Variants in SUSD5 observed in about 807,000 individuals in gnomAD.
SUSD5 encodes sushi domain containing 5.
SUSD5 carries 33 observed loss-of-function variants against 29.5 expected under a neutral mutation model. That is an observed-to-expected ratio of 1.12 (90% CI 0.85 to 1.49). The LOEUF (loss-of-function observed/expected upper bound fraction) is 1.49, where lower values mean the gene tolerates loss of function less well. Ranked by LOEUF, SUSD5 falls within the 40% of genes most tolerant of loss-of-function variation. The pLI, the probability that SUSD5 is intolerant of heterozygous loss-of-function variation, is 0.00. For synonymous variants in SUSD5, 308 were observed against 325.3 expected (o/e 0.95, Z 0.57); for missense variants, 776 against 800.6 (o/e 0.97, Z 0.37).
intron 3 of SUSD5, among the ~76,000 whole-genome samples, chr3:33,176,607 G>A (rs928341715): frequency 6.6e-6 from 1 of 152,120 alleles, no homozygotes; most frequent in African/African-American, 2.4e-5. Context: ...AAATTTTAAT[G>A]AATCCCAGCT....
chr3:33,164,969 AACACACACAC>A (rs34551240), intron 4 of SUSD5, among the ~76,000 whole-genome samples: 2,322 of 147,088 alleles, frequency 0.016, 62 homozygotes, highest in African/African-American at 0.055. Context: ...ACTAAAGTTG[AACACACACAC>A]ACACACACAC....
At chr3:33,189,478 CAAAAAA>C (rs71630568) in intron 3 of SUSD5, among the ~76,000 whole-genome samples, 32,741 of 91,276 alleles carry the variant, frequency 0.36, 4,090 homozygotes, top group Middle Eastern at 0.44. Context: ...CTCTCCTTCT[CAAAAAA>C]AAAAAAAAAA....
At chr3:33,165,389 T>C (rs2031283328) in intron 4 of SUSD5, among the ~76,000 whole-genome samples, 1 of 152,182 alleles carries the variant, frequency 6.6e-6, no homozygotes, top group East Asian at 1.9e-4. Flanking sequence ...ACCAGGAGTG[T>C]TTCTGGATGG....
chr3:33,210,133 T>C (rs1443955899), intron 2 of SUSD5, among the ~76,000 whole-genome samples: 1 of 152,230 alleles, frequency 6.6e-6, no homozygotes, highest in Non-Finnish European at 1.5e-5. Context: ...TTGTTGAAAT[T>C]AATTGAGGTC....
chr3:33,173,076 T>C (rs1228183445), intron 4 of SUSD5, among the ~76,000 whole-genome samples: 2 of 152,198 alleles, frequency 1.3e-5, no homozygotes, highest in East Asian at 1.9e-4. Context: ...TTCAAATCAA[T>C]TAGAAAAATG....
Position 33,174,884 on chromosome 3 carries a change from A to C in SUSD5, c.598+2T>G. The C allele has an allele frequency of 1.2e-6, 2 of 1,613,790 alleles. No individual in the cohort carries two copies. The highest frequency in any genetic ancestry group is 1.7e-6 in the Non-Finnish European group (2 of 1,179,812). On this transcript the variant is annotated splice_donor_variant, in intron 4 of 4. Transcript: ENST00000309558. LOFTEE classifies it high-confidence loss of function. ...AAGGTGGCCCATCCCTGGGCTGCTT[A>C]CCTTTCCCACAGGCCTGCACCAGGC...
chr3:33,164,978 A>G (rs2031275276), intron 4 of SUSD5, among the ~76,000 whole-genome samples: 1 of 102,644 alleles, frequency 9.7e-6, no homozygotes, highest in Non-Finnish European at 2.3e-5. Flanking sequence ...GAACACACAC[A>G]CACACACACA....
chr3:33,207,702 G>A (rs2032247260), intron 3 of SUSD5, 106 bp downstream of exon 3: 2 of 658,768 alleles, frequency 3.0e-6, no homozygotes, highest in Non-Finnish European at 5.1e-6. Context: ...GATAAACCAT[G>A]TCTAGTAAAT....
Position 33,153,701 on chromosome 3 carries a change from C to T in SUSD5, c.931G>A (p.Asp311Asn). The change falls in exon 5 of 5, where the codon GAT (aspartate) becomes AAT (asparagine). Residue 311 changes from aspartate to asparagine, a missense_variant. Coordinates refer to ENST00000309558, the MANE Select transcript of SUSD5 (RefSeq NM_015551.2). ...FHKPGLEKEV[D>N]DDTKKQFSAG... ...GAAAACTGCTTTTTGGTGTCATCAT[C>T]CACCTCCTTTTCCAACCCAGGCTTG... 1 of 1,614,042 alleles carries T rather than the reference C, an allele frequency of 6.2e-7. No individual in the cohort carries two copies. The highest frequency in any genetic ancestry group is 8.5e-7 in the Non-Finnish European group (1 of 1,179,902).
In SUSD5 at chr3:33,150,321, TTG is replaced by T. The variant is rs1260237425; in HGVS notation, c.*2419_*2420del. The T allele has an allele frequency of 1.3e-5, 2 of 152,098 alleles. No individual in the cohort carries two copies. The highest frequency in any genetic ancestry group is 2.9e-5 in the Non-Finnish European group (2 of 68,010). The allele number at this position is 152,098 out of a possible 1,614,324, so 9.4% of individuals were successfully genotyped here. A position where few individuals can be genotyped will look rare whatever the true frequency, so the allele number is the denominator to read the frequency against. On this transcript the variant is annotated 3_prime_UTR_variant, in exon 5 of 5. Transcript: ENST00000309558. ...TAAAACATTTACCTGTATTAATAAT[TTG>T]TAATAAATTTATTAATACACTGTAT...
chr3:33,171,208 G>C (rs1043425256), intron 4 of SUSD5, among the ~76,000 whole-genome samples: 1 of 152,116 alleles, frequency 6.6e-6, no homozygotes, highest in South Asian at 2.1e-4. Context: ...TTAGCCAGGC[G>C]TGGTGGCGCA....
chr3:33,216,940 T>C (rs766616601), intron 1 of SUSD5, among the ~76,000 whole-genome samples: 1 of 152,158 alleles, frequency 6.6e-6, no homozygotes, highest in African/African-American at 2.4e-5. Context: ...ACTGAGGAAG[T>C]GGGGAAAGAA....
At position 33,204,915 on chromosome 3, in the gene SUSD5, T is replaced by C. The variant is rs998612796; in HGVS notation, c.409+2893A>G. ...CCTTTTATGCAGGTTCACCAATGTGTTTTCATTTTCCCCTTTTTGCTTTAT... is the reference window on the plus strand; with the variant it reads ...CCTTTTATGCAGGTTCACCAATGTGCTTTCATTTTCCCCTTTTTGCTTTAT... On this transcript the variant is annotated intron_variant, in intron 3 of 4. Coordinates refer to ENST00000309558, the MANE Select transcript of SUSD5 (RefSeq NM_015551.2). The surrounding 1 kb of genome is among the most constrained non-coding windows in gnomAD (Gnocchi z 4.5). Among the ~76,000 whole-genome samples the C allele has an allele frequency of 3.3e-5, 5 of 152,108 alleles. No homozygotes were observed. Among genetic ancestry groups the C allele is most frequent in the Non-Finnish European group, 5.9e-5 (4 of 68,018 alleles).
intron 4 of SUSD5, among the ~76,000 whole-genome samples, chr3:33,166,506 A>C (rs1202018218): frequency 2.0e-5 from 3 of 152,134 alleles, no homozygotes; most frequent in African/African-American, 7.2e-5. Flanking sequence ...ATCCATCCAG[A>C]ACAGAGTTCA....
rs552501228 is a variant in SUSD5, at chr3:33,175,037, G to C, written c.447C>G (p.Thr149=). ...PCGDPPSFPH[T]ILQGRTGLEM... is the part of the protein sequence containing the mutation. Reference sequence around the variant, plus strand: ...CCAAGCCGGTGCGGCCCTGCAGGATGGTGTGTGGGAACGAAGGCGGGTCTC... The same window carrying C: ...CCAAGCCGGTGCGGCCCTGCAGGATCGTGTGTGGGAACGAAGGCGGGTCTC... The change falls in exon 4 of 5, where the codon ACC becomes ACG. Residue 149 remains threonine, a synonymous_variant. Coordinates refer to ENST00000309558, the MANE Select transcript of SUSD5 (RefSeq NM_015551.2). The C allele has an allele frequency of 4.5e-5, 73 of 1,614,026 alleles. 1 individual carries two copies. The South Asian group carries it at 6.3e-4, about 14-fold the overall frequency.
intron 4 of SUSD5, among the ~76,000 whole-genome samples, chr3:33,171,883 T>C (rs555309543): frequency 6.6e-6 from 1 of 152,348 alleles, no homozygotes; most frequent in African/African-American, 2.4e-5. Context: ...GACACCTCAA[T>C]TTCCAGTCTC....
In SUSD5 at chr3:33,151,166, A is replaced by G. The variant is rs566323242; in HGVS notation, c.*1576T>C. ...CCAACAGGCTCTCAAACTTGAGTGC[A>G]TATCAAAATCACCTGGAGGGCTTGT... On this transcript the variant is annotated 3_prime_UTR_variant, in exon 5 of 5. Coordinates refer to ENST00000309558, the MANE Select transcript of SUSD5 (RefSeq NM_015551.2). The G allele has an allele frequency of 5.9e-5, 9 of 152,212 alleles. No individual in the cohort carries two copies. The highest frequency in any genetic ancestry group is 1.0e-4 in the Non-Finnish European group (7 of 68,048). 9.4% of individuals were successfully genotyped at this position (152,212 alleles called of 1,614,324 possible).
At chr3:33,163,861 ATGGTGGC>A (rs2031245282) in intron 4 of SUSD5, among the ~76,000 whole-genome samples, 3 of 152,150 alleles carry the variant, frequency 2.0e-5, no homozygotes, top group Admixed American at 2.0e-4. Flanking sequence ...TTAGCCGGGC[ATGGTGGC>A]AGGCACCTGT....
intron 3 of SUSD5, among the ~76,000 whole-genome samples, chr3:33,197,165 T>G (rs1435505752): frequency 6.6e-6 from 1 of 152,040 alleles, no homozygotes; most frequent in African/African-American, 2.4e-5. Context: ...TTTAACTGGA[T>G]CTTGGGGCTT....
Sources: allele counts gnomAD v4.1 joint callset (sites outside exome capture counted in the v4.1 genomes callset), GRCh38; gene constraint gnomAD v4.1.1; non-coding constraint Gnocchi (gnomAD v3.1); transcripts MANE v1.5; gene names NCBI Gene and HGNC (gene_info 2026-07-23, HGNC 2026-07-21).